Variants in THSD7A observed in about 807,000 individuals in gnomAD.
THSD7A encodes the protein thrombospondin type-1 domain-containing protein 7A.
THSD7A carries 96 observed loss-of-function variants against 231.3 expected under a neutral mutation model. The observed-to-expected ratio is 0.41, with a 90% CI of 0.35 to 0.49. The LOEUF (loss-of-function observed/expected upper bound fraction) is 0.49. Ranked by LOEUF, THSD7A falls within the 20% of genes least tolerant of loss-of-function variation. THSD7A has a pLI of 0.05. For synonymous variants in THSD7A, 940 were observed against 743.3 expected (o/e 1.26, Z -4.30); for missense variants, 2,290 against 2,070.2 (o/e 1.11, Z -2.06).
chr7:11,419,970 A>C (rs546911789), intron 16 of THSD7A, among the ~76,000 whole-genome samples: 1 of 152,306 alleles, frequency 6.6e-6, no homozygotes, highest in East Asian at 1.9e-4. Flanking sequence ...TAAGCAGCAA[A>C]ACATTCAAGA....
In THSD7A at chr7:11,474,227, G is replaced by C; in HGVS notation, c.2252+107C>G. On this transcript the variant is annotated intron_variant, in intron 8 of 27. Coordinates refer to ENST00000423059, the MANE Select transcript of THSD7A (RefSeq NM_015204.3). This position sits in a 1 kb window ranked among gnomAD's most constrained non-coding sequence, Gnocchi z 4.1. ...CAAACAAATCTTGCTCTTGAGGACAGGTATGACAAGCATCAAAATGTTCCA... is the reference window on the plus strand; with the variant it reads ...CAAACAAATCTTGCTCTTGAGGACACGTATGACAAGCATCAAAATGTTCCA... 3 of 935,176 alleles carry C rather than the reference G, an allele frequency of 3.2e-6. No individual in the cohort carries two copies. 57.9% of individuals were successfully genotyped at this position (935,176 alleles called of 1,614,324 possible).
At chr7:11,771,989 C>T (rs1783245313) in intron 1 of THSD7A, among the ~76,000 whole-genome samples, 1 of 152,178 alleles carries the variant, frequency 6.6e-6, no homozygotes, top group Non-Finnish European at 1.5e-5. Context: ...GCTGAGGCCT[C>T]TCAGAAGTGA....
rs113897947 is a variant in THSD7A at position 11,430,464 on chromosome 7, T to C, written c.3065-1339A>G. 5.2e-3 allele frequency among the ~76,000 whole-genome samples: 794 copies of C among 152,228 alleles called. 5 individuals carry two copies. Among genetic ancestry groups the C allele is most frequent in the African/African-American group, 0.018 (751 of 41,532 alleles). ...AATGAAGTAAAACATTATGTGATCT[T>C]ATTTCTTTTTTGTTTTAGAGATGTC... is the stretch of plus-strand genomic sequence containing the variant. On this transcript the variant is annotated intron_variant, in intron 13 of 27. Coordinates refer to ENST00000423059, the MANE Select transcript of THSD7A (RefSeq NM_015204.3).
rs1784004848 is a variant in THSD7A, at chr7:11,417,594, C to T, written c.3393G>A (p.Gln1131=). 1 of 1,599,578 alleles carries T rather than the reference C, an allele frequency of 6.3e-7. No homozygotes were observed. Among genetic ancestry groups the T allele is most frequent in the Admixed American group, 1.8e-5 (1 of 55,166 alleles). The change falls in exon 17 of 28, where the codon CAG becomes CAA. Residue 1131 remains glutamine (Q), a synonymous_variant. Coordinates refer to ENST00000423059, the MANE Select transcript of THSD7A (RefSeq NM_015204.3). ...GTTCAGAAGGGCCATCTGCTGTATT[C>T]TGCATGCATCTAGAAAAGAACATAA... The part of the protein sequence containing the change: ...GVQTRKVRCM[Q]NTADGPSEHV...
chr7:11,566,672 A>C (rs1312125035), intron 4 of THSD7A, among the ~76,000 whole-genome samples: 2 of 151,996 alleles, frequency 1.3e-5, no homozygotes, highest in African/African-American at 4.8e-5. Context: ...ATGGTATTTT[A>C]TTTTCTCTAC....
Position 11,527,180 on chromosome 7 carries a change from T to A in THSD7A, c.1822+14239A>T, listed in dbSNP as rs990446243. On this transcript the variant is annotated intron_variant, in intron 6 of 27. Transcript: ENST00000423059. ...TATCCAGAAGGCTCTCCATATAGAT[T>A]TCTTATTTAAAATTATTGTATATAG... 2.0e-5 allele frequency among the ~76,000 whole-genome samples: 3 copies of A among 152,250 alleles called. 1 individual carries two copies. The highest frequency in any genetic ancestry group is 6.5e-5 in the Admixed American group (1 of 15,280).
intron 1 of THSD7A, among the ~76,000 whole-genome samples, chr7:11,734,713 C>T (rs557851069): frequency 6.6e-5 from 10 of 151,904 alleles, no homozygotes; most frequent in African/African-American, 1.7e-4. Context: ...ATGTAAACAT[C>T]CTAAAGAAAA....
At chr7:11,597,748 T>A (rs1780415717) in intron 2 of THSD7A, among the ~76,000 whole-genome samples, 1 of 152,178 alleles carries the variant, frequency 6.6e-6, no homozygotes, top group South Asian at 2.1e-4. Context: ...TTCTGACCCA[T>A]CTAGCCATAA....
chr7:11,597,338 A>G (rs1170943749), intron 2 of THSD7A, among the ~76,000 whole-genome samples: 6 of 152,164 alleles, frequency 3.9e-5, no homozygotes, highest in African/African-American at 1.4e-4. Flanking sequence ...GAGGGAACAC[A>G]TTCCTCAACT....
At chr7:11,490,325 TTCATTG>T (rs1434468817) in intron 6 of THSD7A, among the ~76,000 whole-genome samples, 1 of 152,136 alleles carries the variant, frequency 6.6e-6, no homozygotes, top group East Asian at 1.9e-4. Context: ...ATTTTCTTAT[TTCATTG>T]AATTTAACCC....
At position 11,543,013 on chromosome 7, in the gene THSD7A, C is replaced by T; in HGVS notation, c.1558G>A (p.Ala520Thr). The T allele has an allele frequency of 6.2e-7, 1 of 1,613,854 alleles. No homozygotes were observed. Among genetic ancestry groups the T allele is most frequent in the South Asian group, 1.1e-5 (1 of 91,070 alleles). The part of the protein sequence containing the change: ...PTECEVSPWS[A>T]WGPCTYENCN... ...TTTTCATAAGTACAAGGTCCCCAAG[C>T]TGACCAAGGTGAAACTTCACATTCA... Residue 520 changes from alanine (A) to threonine (T), a missense_variant, in exon 5 of 28, where the codon GCT (alanine) becomes ACT (threonine). Coordinates refer to ENST00000423059, the MANE Select transcript of THSD7A (RefSeq NM_015204.3).
intron 1 of THSD7A, among the ~76,000 whole-genome samples, chr7:11,799,100 T>C (rs974222838): frequency 6.6e-6 from 1 of 152,114 alleles, no homozygotes; most frequent in African/African-American, 2.4e-5. Context: ...TTTTTGTATT[T>C]TTGGTAGAGA....
intron 1 of THSD7A, among the ~76,000 whole-genome samples, chr7:11,671,127 C>T (rs1013100591): frequency 1.3e-5 from 2 of 152,122 alleles, no homozygotes; most frequent in African/African-American, 2.4e-5. Context: ...CATTAATAGA[C>T]CTTCAAGGGT....
intron 1 of THSD7A, among the ~76,000 whole-genome samples, chr7:11,683,323 T>TA (rs1224029880): frequency 1.3e-5 from 2 of 151,506 alleles, no homozygotes; most frequent in African/African-American, 4.9e-5. Context: ...CTAAAGGAAC[T>TA]AAAAAACAAG....
At chr7:11,568,801 G>T (rs1456993042) in intron 4 of THSD7A, among the ~76,000 whole-genome samples, 3 of 151,674 alleles carry the variant, frequency 2.0e-5, no homozygotes, top group Non-Finnish European at 2.9e-5. Context: ...CTTTTCAGAT[G>T]GCATGATTGT....
intron 1 of THSD7A, among the ~76,000 whole-genome samples, chr7:11,719,303 T>A (rs926594331): frequency 5.8e-4 from 88 of 151,760 alleles, no homozygotes; most frequent in African/African-American, 2.1e-3. Context: ...GGTGACTTCT[T>A]TCTCCTATAC....
chr7:11,715,784 C>G (rs1356756335), intron 1 of THSD7A, among the ~76,000 whole-genome samples: 2 of 151,472 alleles, frequency 1.3e-5, no homozygotes, highest in African/African-American at 4.8e-5. Context: ...ATTTTCCCTC[C>G]TTAATCCTCA....
chr7:11,694,166 T>C (rs1780318677), intron 1 of THSD7A, among the ~76,000 whole-genome samples: 1 of 151,542 alleles, frequency 6.6e-6, no homozygotes, highest in South Asian at 2.1e-4. Context: ...TTGGCTATCT[T>C]CTAAGCTTGA....
intron 23 of THSD7A, among the ~76,000 whole-genome samples, chr7:11,399,764 G>A (rs1374295298): frequency 6.6e-6 from 1 of 152,154 alleles, no homozygotes; most frequent in African/African-American, 2.4e-5. Context: ...GATTCCTCAA[G>A]GATCTGGAAC....
Sources: gnomAD v4.1 joint callset for allele counts (sites outside exome capture counted in the v4.1 genomes callset) on GRCh38, gnomAD v4.1.1 for gene constraint, Gnocchi (gnomAD v3.1) non-coding constraint, MANE v1.5 for transcripts, NCBI Gene and HGNC (gene_info 2026-07-23, HGNC 2026-07-21) for gene names.